The following TIGD4 variants were observed in gnomAD, a reference collection of about 807,000 sequenced individuals.
The protein encoded by TIGD4 is tigger transposable element derived 4.
A neutral mutation model predicts 24.9 loss-of-function variants in TIGD4; 20 were observed. That is an observed-to-expected ratio of 0.80 (90% CI 0.56 to 1.17). TIGD4 has a LOEUF of 1.17. TIGD4 is among the 50% of genes most tolerant of loss of function. The probability of loss-of-function intolerance (pLI) is 0.00; values close to 1 mark genes in which losing one functional copy is unlikely to be tolerated. For missense variants in TIGD4, 566 were observed against 591.0 expected (o/e 0.96, Z 0.44); for synonymous variants, 193 against 211.0 (o/e 0.91, Z 0.74).
At chr4:152,774,496 G>C (rs907045246) in intron 1 of TIGD4, among the ~76,000 whole-genome samples, 3 of 152,202 alleles carry the variant, frequency 2.0e-5, no homozygotes, top group Admixed American at 6.5e-5. Flanking sequence ...AGTAATGGCA[G>C]CAGCTAATAT....
chr4:152,775,412 G>T (rs1429850882), intron 1 of TIGD4, among the ~76,000 whole-genome samples: 1 of 152,172 alleles, frequency 6.6e-6, no homozygotes, highest in East Asian at 1.9e-4. Flanking sequence ...GGTCTCACAA[G>T]GTAGAAATCA....
chr4:152,771,204 T>C lies in TIGD4; in HGVS notation c.-200A>G, dbSNP rs1397389816. The C allele has an allele frequency of 1.8e-6, 1 of 550,828 alleles. No individual in the cohort carries two copies. Among genetic ancestry groups the C allele is most frequent in the South Asian group, 4.4e-5 (1 of 22,788 alleles). 34.1% of individuals were successfully genotyped at this position (550,828 alleles called of 1,614,324 possible). A position where few individuals can be genotyped will look rare whatever the true frequency, so the allele number is the denominator to read the frequency against. On this transcript the variant is annotated 5_prime_UTR_variant, in exon 2 of 2. Transcript: ENST00000304337. Reference sequence around the variant, plus strand: ...CAAAGATCTGAAGAAAAATATTATATGCAACTAGAATATTTTAGAAGAGAA... The same window carrying C: ...CAAAGATCTGAAGAAAAATATTATACGCAACTAGAATATTTTAGAAGAGAA...
Position 152,770,624 on chromosome 4 carries a change from C to G in TIGD4, c.381G>C (p.Lys127Asn), listed in dbSNP as rs1178004838. ...FAQKLGHNDF[K>N]CSNGWLDRFK... Reference sequence around the variant, plus strand: ...AACGATCCAGCCAACCATTACTGCACTTAAAATCATTATGGCCCAGTTTCT... The same window carrying G: ...AACGATCCAGCCAACCATTACTGCAGTTAAAATCATTATGGCCCAGTTTCT... The change falls in exon 2 of 2, where the codon AAG (lysine) becomes AAC (asparagine). Residue 127 changes from lysine (K) to asparagine (N), a missense_variant. Lys to Asn is a moderately conservative substitution (Grantham distance 94). Coordinates refer to ENST00000304337, the MANE Select transcript of TIGD4 (RefSeq NM_145720.4). 1 of 1,603,656 alleles carries G rather than the reference C, an allele frequency of 6.2e-7. No homozygotes were observed. The highest frequency in any genetic ancestry group is 1.3e-5 in the African/African-American group (1 of 74,414).
chr4:152,772,803 C>T (rs1296651843), intron 1 of TIGD4, among the ~76,000 whole-genome samples: 1 of 152,044 alleles, frequency 6.6e-6, no homozygotes, highest in Non-Finnish European at 1.5e-5. Context: ...CCTCTGCCTC[C>T]CAGGTTCATG....
At chr4:152,773,666 A>AAAAAAAAAAAAG (rs1554018755) in intron 1 of TIGD4, among the ~76,000 whole-genome samples, 2 of 127,796 alleles carry the variant, frequency 1.6e-5, no homozygotes, top group African/African-American at 6.0e-5. Context: ...AAAAAAAAAA[A>AAAAAAAAAAAAG]GCAACATTAG....
intron 1 of TIGD4, among the ~76,000 whole-genome samples, chr4:152,776,729 C>T (rs909775149): frequency 2.6e-5 from 4 of 152,140 alleles, no homozygotes; most frequent in African/African-American, 7.2e-5. Context: ...TAGAATTGGC[C>T]AATTTCCTGG....
intron 1 of TIGD4, among the ~76,000 whole-genome samples, chr4:152,777,054 T>C (rs1009822753): frequency 6.6e-6 from 1 of 152,226 alleles, no homozygotes; most frequent in East Asian, 1.9e-4. Flanking sequence ...TTGAAGCATA[T>C]TAAACATTTC....
rs143343201 is a variant in TIGD4, at chr4:152,770,498, A to G, written c.507T>C (p.Tyr169=). 73 of 1,611,610 alleles carry G rather than the reference A, an allele frequency of 4.5e-5. No individual in the cohort carries two copies. The East Asian group carries it at 1.6e-3, about 36-fold the overall frequency. The change falls in exon 2 of 2, where the codon TAT becomes TAC. Residue 169 remains tyrosine, a synonymous_variant. Transcript: ENST00000304337. ...STVWYQNVLP[Y]YLNDYHPKNV... ...TTTTAGGATGATAATCATTTAAATA[A>G]TAAGGAAGTACATTTTGGTACCAGA...
intron 1 of TIGD4, among the ~76,000 whole-genome samples, chr4:152,779,253 A>G (rs1730336688): frequency 6.6e-6 from 1 of 152,254 alleles, no homozygotes. Flanking sequence ...GGAGCCGGAA[A>G]GAAAAGTATC....
In TIGD4 at chr4:152,769,442, A is replaced by T. The variant is rs1295072204; in HGVS notation, c.*24T>A. ...ATAAAATGTATCAGGAAAAGCTATT[A>T]CTCTTTAGATGTACAATACATAGTT... On this transcript the variant is annotated 3_prime_UTR_variant, in exon 2 of 2. Coordinates refer to ENST00000304337, the MANE Select transcript of TIGD4 (RefSeq NM_145720.4). 1 of 1,414,886 alleles carries T rather than the reference A, an allele frequency of 7.1e-7. No individual in the cohort carries two copies. The highest frequency in any genetic ancestry group is 2.3e-5 in the East Asian group (1 of 43,056). 87.6% of individuals were successfully genotyped at this position (1,414,886 alleles called of 1,614,324 possible). A position where few individuals can be genotyped will look rare whatever the true frequency, so the allele number is the denominator to read the frequency against.
At chr4:152,772,187 A>G (rs965803970) in intron 1 of TIGD4, among the ~76,000 whole-genome samples, 3 of 152,096 alleles carry the variant, frequency 2.0e-5, no homozygotes, top group African/African-American at 7.2e-5. Context: ...TTTTGTATTA[A>G]TTTGACACAT....
At chr4:152,773,642 TAAAAAAA>T (rs71598212) in intron 1 of TIGD4, among the ~76,000 whole-genome samples, 3 of 82,132 alleles carry the variant, frequency 3.7e-5, no homozygotes, top group Admixed American at 1.5e-4. Flanking sequence ...TCCAATGCCT[TAAAAAAA>T]AAAAAAAAAA....
In TIGD4 at chr4:152,769,599, A is replaced by G; in HGVS notation, c.1406T>C (p.Leu469Ser). The G allele has an allele frequency of 6.2e-7, 1 of 1,613,594 alleles. No individual in the cohort carries two copies. The highest frequency in any genetic ancestry group is 1.1e-5 in the South Asian group (1 of 90,986). ...DDGSPGTELP[L>S]PSKSEAITAL... Reference sequence around the variant, plus strand: ...AGTTATTGCCTCAGATTTTGATGGTAAAGGGAGTTCAGTTCCTGGAGATCC... The same window carrying G: ...AGTTATTGCCTCAGATTTTGATGGTGAAGGGAGTTCAGTTCCTGGAGATCC... Residue 469 changes from leucine to serine, a missense_variant, in exon 2 of 2, where the codon TTA becomes TCA. Physicochemically the swap from Leu to Ser is moderately radical, Grantham distance 145. Coordinates refer to ENST00000304337, the MANE Select transcript of TIGD4 (RefSeq NM_145720.4).
rs1196752635 is a variant in TIGD4 at position 152,770,119 on chromosome 4, C to T, written c.886G>A (p.Val296Ile). The change falls in exon 2 of 2, where the codon GTA becomes ATA. Residue 296 changes from valine to isoleucine, a missense_variant. Transcript: ENST00000304337. ...AACTCAATGGATTTTAGGTTCTTTA[C>T]CTCTGGATGTGCTGGAAAAGACTCA... Reference protein sequence around the residue: ...FVESFPAHPEVKNLKSIELAF... With the variant: ...FVESFPAHPEIKNLKSIELAF... 3.1e-6 allele frequency: 5 copies of T among 1,613,866 alleles called. No homozygotes were observed. Among genetic ancestry groups the T allele is most frequent in the African/African-American group, 1.3e-5 (1 of 74,884 alleles).
At chr4:152,778,277 T>G (rs1196249994) in intron 1 of TIGD4, among the ~76,000 whole-genome samples, 1 of 152,066 alleles carries the variant, frequency 6.6e-6, no homozygotes, top group Non-Finnish European at 1.5e-5. Flanking sequence ...CAAAAACAAT[T>G]TAGTATTCAT....
In TIGD4 at chr4:152,771,171, T is replaced by C; in HGVS notation, c.-167A>G. 5.1e-6 allele frequency: 4 copies of C among 787,880 alleles called. No homozygotes were observed. Among genetic ancestry groups the C allele is most frequent in the South Asian group, 3.6e-5 (1 of 27,890 alleles). The allele number at this position is 787,880 out of a possible 1,614,324, so 48.8% of individuals were successfully genotyped here. A position where few individuals can be genotyped will look rare whatever the true frequency, so the allele number is the denominator to read the frequency against. ...TTTGTAGGAACTTGATGACAAAATA[T>C]GCTTTTTCAAAGATCTGAAGAAAAA... On this transcript the variant is annotated 5_prime_UTR_variant, in exon 2 of 2. Coordinates refer to ENST00000304337, the MANE Select transcript of TIGD4 (RefSeq NM_145720.4).
chr4:152,772,465 G>A (rs1198619713), intron 1 of TIGD4, among the ~76,000 whole-genome samples: 1 of 152,154 alleles, frequency 6.6e-6, no homozygotes, highest in African/African-American at 2.4e-5. Flanking sequence ...TCTGTAAAAT[G>A]GGAGTAACTA....
At chr4:152,774,443 C>T (rs1024468731) in intron 1 of TIGD4, among the ~76,000 whole-genome samples, 3 of 152,206 alleles carry the variant, frequency 2.0e-5, no homozygotes, top group African/African-American at 7.2e-5. Context: ...CTGACATTCT[C>T]CAAACTCCAA....
rs201379259 is a variant in TIGD4, at chr4:152,771,559, T to TA, written c.-538-18dup. Reference sequence around the variant, plus strand: ...TATCTTCTTCTGTTGTTTGAAAAATTAAAAAAAAAGCAATTTTAGCGATAT... The same window carrying TA: ...TATCTTCTTCTGTTGTTTGAAAAATTAAAAAAAAAAGCAATTTTAGCGATAT... On this transcript the variant is annotated splice_polypyrimidine_tract_variant and intron_variant, in intron 1 of 1. Transcript: ENST00000304337. 4.1e-4 allele frequency: 66 copies of TA among 161,654 alleles called. No homozygotes were observed. In the East Asian group the frequency reaches 9.3e-3, roughly 23 times the overall value. 10.0% of individuals were successfully genotyped at this position (161,654 alleles called of 1,614,324 possible).
Sources: gnomAD v4.1 joint callset for allele counts (sites outside exome capture counted in the v4.1 genomes callset) on GRCh38, gnomAD v4.1.1 for gene constraint, MANE v1.5 for transcripts, NCBI Gene and HGNC (gene_info 2026-07-23, HGNC 2026-07-21) for gene names.